NETO2: variants seen among roughly 807,000 people sequenced by gnomAD.
NETO2 encodes the protein neuropilin and tolloid-like protein 2.
In NETO2, 28 loss-of-function variants were observed where a neutral mutation model predicts 62.5. That is an observed-to-expected ratio of 0.45 (90% CI 0.33 to 0.61). The LOEUF (loss-of-function observed/expected upper bound fraction) is 0.61, where lower values mean the gene tolerates loss of function less well. Ranked by LOEUF, NETO2 falls within the 20% of genes least tolerant of loss-of-function variation. The pLI, the probability that NETO2 is intolerant of heterozygous loss-of-function variation, is 0.02. For synonymous variants in NETO2, 214 were observed against 219.1 expected, an observed-to-expected ratio of 0.98 and a Z score of 0.21; for missense variants, 548 against 643.2, an observed-to-expected ratio of 0.85 and a Z score of 1.60.
chr16:47,123,549 C>A (rs1285011114), intron 4 of NETO2, among the ~76,000 whole-genome samples: 1 of 151,080 alleles, frequency 6.6e-6, no homozygotes, highest in African/African-American at 2.4e-5. Context: ...TTTTTTACCA[C>A]AATAAAAATA....
chr16:47,089,275 G>A (rs1963262550), intron 7 of NETO2, among the ~76,000 whole-genome samples: 1 of 152,138 alleles, frequency 6.6e-6, no homozygotes, highest in Non-Finnish European at 1.5e-5. Context: ...GAAGGAACTT[G>A]GGAAATAGCA....
chr16:47,130,992 G>C (rs1204339760), intron 2 of NETO2, among the ~76,000 whole-genome samples: 1 of 151,256 alleles, frequency 6.6e-6, no homozygotes, highest in Non-Finnish European at 1.5e-5. Context: ...AACCAAGAGG[G>C]CCATAACCAA....
chr16:47,132,128 A>C, intron 1 of NETO2, 103 bp from the exon 2 acceptor site: 3 of 840,744 alleles, frequency 3.6e-6, no homozygotes, highest in Non-Finnish European at 5.9e-6. Flanking sequence ...AACTAAAATC[A>C]CTATTTATTA....
At chr16:47,119,987 T>C (rs1039518199) in intron 6 of NETO2, among the ~76,000 whole-genome samples, 3 of 152,240 alleles carry the variant, frequency 2.0e-5, no homozygotes, top group Non-Finnish European at 4.4e-5. Context: ...ACTGTGTCCA[T>C]TAAGCACATA....
intron 7 of NETO2, 77 bp from the exon 8 acceptor site, chr16:47,086,416 T>C (rs1172238273): frequency 1.4e-5 from 13 of 921,932 alleles, no homozygotes; most frequent in Non-Finnish European, 2.1e-5. Flanking sequence ...AATCTGACTT[T>C]ATAAGAGTAC....
At chr16:47,102,591 A>T (rs1284694204) in intron 7 of NETO2, among the ~76,000 whole-genome samples, 2 of 146,530 alleles carry the variant, frequency 1.4e-5, no homozygotes, top group Non-Finnish European at 3.0e-5. Context: ...CAAATTTACA[A>T]GAAAAAAAAA....
intron 7 of NETO2, among the ~76,000 whole-genome samples, chr16:47,108,141 T>A: frequency 6.6e-6 from 1 of 152,270 alleles, no homozygotes; most frequent in Admixed American, 6.5e-5. Flanking sequence ...CCCATACTGA[T>A]GTAATTATTA....
chr16:47,125,502 C>T (rs992336467), intron 4 of NETO2, among the ~76,000 whole-genome samples: 4 of 151,992 alleles, frequency 2.6e-5, no homozygotes, highest in African/African-American at 4.8e-5. Context: ...TGCACCACCA[C>T]GCCCAGCTAA....
chr16:47,102,204 A>C (rs1963563307), intron 7 of NETO2, among the ~76,000 whole-genome samples: 1 of 152,214 alleles, frequency 6.6e-6, no homozygotes, highest in Non-Finnish European at 1.5e-5. Context: ...TATTTAATAA[A>C]TGGTATTGGG....
At chr16:47,102,482 A>G (rs1187299293) in intron 7 of NETO2, among the ~76,000 whole-genome samples, 1 of 152,022 alleles carries the variant, frequency 6.6e-6, no homozygotes, top group Non-Finnish European at 1.5e-5. Flanking sequence ...AAAAGAAACT[A>G]TTATCACAGT....
chr16:47,138,074 G>A (rs538272339), intron 1 of NETO2, among the ~76,000 whole-genome samples: 3 of 152,282 alleles, frequency 2.0e-5, no homozygotes, highest in Admixed American at 6.5e-5. Context: ...CAAGAATGAT[G>A]ACTTGATAAA....
intron 7 of NETO2, among the ~76,000 whole-genome samples, chr16:47,105,977 C>G (rs1018202826): frequency 7.2e-5 from 11 of 151,966 alleles, no homozygotes; most frequent in African/African-American, 2.4e-4. Flanking sequence ...AGCAGCAGTA[C>G]TCATCATAGC....
At chr16:47,111,771 G>A (rs115168629) in intron 6 of NETO2, among the ~76,000 whole-genome samples, 65 of 152,290 alleles carry the variant, frequency 4.3e-4, no homozygotes, top group African/African-American at 1.5e-3. Context: ...TAGGTGAGAC[G>A]TAGAACTGGT....
chr16:47,098,123 C>T (rs1288884810), intron 7 of NETO2, among the ~76,000 whole-genome samples: 3 of 152,072 alleles, frequency 2.0e-5, no homozygotes, highest in South Asian at 4.1e-4. Flanking sequence ...TCTTCTCCTC[C>T]AAAGGATCAC....
At chr16:47,089,004 C>T (rs1188466948) in intron 7 of NETO2, among the ~76,000 whole-genome samples, 8 of 152,162 alleles carry the variant, frequency 5.3e-5, no homozygotes, top group East Asian at 1.9e-4. Flanking sequence ...ATGCCCTAAA[C>T]GGTAGTATTC....
chr16:47,121,380 G>T lies in NETO2; in HGVS notation c.654+1277C>A, dbSNP rs185891475. 1.8e-3 allele frequency among the ~76,000 whole-genome samples: 270 copies of T among 152,170 alleles called. 2 individuals are homozygous for T. Among genetic ancestry groups the T allele is most frequent in the African/African-American group, 6.0e-3 (249 of 41,500 alleles). ...CTTGGTGACTTTTAGATTTATTTTT[G>T]CCAGGTGACTCAAAGGTTTAATGCA... On this transcript the variant is annotated intron_variant, in intron 6 of 8. Coordinates refer to ENST00000562435, the MANE Select transcript of NETO2 (RefSeq NM_018092.5).
In NETO2 at chr16:47,133,393, G is replaced by GA. The variant is rs370625104; in HGVS notation, c.35-1369dup. Among the ~76,000 whole-genome samples the GA allele has an allele frequency of 3.3e-3, 444 of 134,880 alleles. 2 individuals carry two copies. Among genetic ancestry groups the GA allele is most frequent in the South Asian group, 0.018 (78 of 4,292 alleles). 88.5% of individuals were successfully genotyped at this position (134,880 alleles called of 152,430 possible). A position where few individuals can be genotyped will look rare whatever the true frequency, so the allele number is the denominator to read the frequency against. On this transcript the variant is annotated intron_variant, in intron 1 of 8. Coordinates refer to ENST00000562435, the MANE Select transcript of NETO2 (RefSeq NM_018092.5). Reference sequence around the variant, plus strand: ...GAGTTCCAGAGGCCCTGTCTCTACGGAAAAAAAAAAAAAAATTAGCCAGGC... The same window carrying GA: ...GAGTTCCAGAGGCCCTGTCTCTACGGAAAAAAAAAAAAAAAATTAGCCAGGC...
intron 6 of NETO2, among the ~76,000 whole-genome samples, chr16:47,111,231 T>C (rs1239468880): frequency 6.6e-6 from 1 of 152,208 alleles, no homozygotes; most frequent in Non-Finnish European, 1.5e-5. Context: ...GTGACTAGGC[T>C]TGTAAAACTA....
At chr16:47,091,157 T>G (rs1045724099) in intron 7 of NETO2, among the ~76,000 whole-genome samples, 4 of 152,230 alleles carry the variant, frequency 2.6e-5, no homozygotes, top group African/African-American at 9.6e-5. Flanking sequence ...AAATCCCTTA[T>G]TTTAATCACA....
Sources: allele counts gnomAD v4.1 joint callset (sites outside exome capture counted in the v4.1 genomes callset), GRCh38; gene constraint gnomAD v4.1.1; transcripts MANE v1.5; gene names NCBI Gene and HGNC (gene_info 2026-07-23, HGNC 2026-07-21).